SLC30A2: variants seen among roughly 807,000 people sequenced by gnomAD.
The protein encoded by SLC30A2 is proton-coupled zinc antiporter SLC30A2.
Under a neutral mutation model 39.6 loss-of-function variants are expected in SLC30A2, and 19 were observed. The observed-to-expected ratio is 0.48, with a 90% CI of 0.34 to 0.70. The LOEUF is 0.70. Ranked by LOEUF, SLC30A2 falls within the 30% of genes least tolerant of loss-of-function variation. The pLI is 0.01. For synonymous variants in SLC30A2, 195 were observed against 194.8 expected (o/e 1.00, Z -0.01); for missense variants, 387 against 479.4 (o/e 0.81, Z 1.80).
Position 26,045,842 on chromosome 1 carries a change from C to A in SLC30A2, c.50+5G>T. The A allele has an allele frequency of 6.2e-7, 1 of 1,613,626 alleles. No individual in the cohort carries two copies. The highest frequency in any genetic ancestry group is 1.1e-5 in the South Asian group (1 of 91,090). ...TTCCCGCCCGTCCCCAGGCTCTCGC[C>A]TTACCGGATTGCCGGCCTGGCGTCC... On this transcript the variant is annotated splice_donor_5th_base_variant and intron_variant, in intron 1 of 7. Transcript: ENST00000374276.
chr1:26,042,481 G>A (rs555742223), intron 5 of SLC30A2, 68 bp downstream of exon 5: 79 of 1,411,208 alleles, frequency 5.6e-5, no homozygotes, highest in African/African-American at 9.9e-5. Flanking sequence ...AAGAAACCCC[G>A]GTAGAGAGTA....
At chr1:26,041,315 A>G (rs977619552) in intron 6 of SLC30A2, among the ~76,000 whole-genome samples, 1 of 152,130 alleles carries the variant, frequency 6.6e-6, no homozygotes, top group Admixed American at 6.6e-5. Context: ...CCTCTGTGCA[A>G]TGAGAAGCAT....
Position 26,039,675 on chromosome 1 carries a change from A to C in SLC30A2, c.973+102T>G. ...CTCAGCATGAGGCTGGGCTTGATGC[A>C]TGGGCACTGTGAGCATCTGGGGTCA... On this transcript the variant is annotated intron_variant, in intron 7 of 7. Transcript: ENST00000374276. The surrounding 1 kb of genome is among the most constrained non-coding windows in gnomAD (Gnocchi z 4.3). 1 of 1,197,278 alleles carries C rather than the reference A, an allele frequency of 8.4e-7. No individual in the cohort carries two copies. 74.2% of individuals were successfully genotyped at this position (1,197,278 alleles called of 1,614,324 possible). A position where few individuals can be genotyped will look rare whatever the true frequency, so the allele number is the denominator to read the frequency against.
At position 26,039,711 on chromosome 1, in the gene SLC30A2, T is replaced by A; in HGVS notation, c.973+66A>T. ...GAGCATCTGGGGTCACCTGGACCCG[T>A]TGGGGATGGCACTAGGCCTTTGGCT... On this transcript the variant is annotated intron_variant, in intron 7 of 7. Transcript: ENST00000374276. This position sits in a 1 kb window ranked among gnomAD's most constrained non-coding sequence, Gnocchi z 4.3. 1.9e-6 allele frequency: 3 copies of A among 1,552,224 alleles called. No individual in the cohort carries two copies. The East Asian group carries it at 7.0e-5, about 36-fold the overall frequency.
Position 26,042,554 on chromosome 1 carries a change from A to G in SLC30A2, c.727T>C (p.Phe243Leu). Residue 243 changes from phenylalanine (F) to leucine (L), a missense_variant, in exon 5 of 8, where the codon TTC becomes CTC. Phe to Leu is a conservative substitution (Grantham distance 22). Transcript: ENST00000374276. ...CCCTGTGTCCCAGCTCTGACCTTGA[A>G]GTATAAAATATAGGCTGCCACTAGG... is the stretch of plus-strand genomic sequence containing the variant. ...GVLVAAYILY[F>L]KPEYKYVDPI... 4 of 1,613,310 alleles carry G rather than the reference A, an allele frequency of 2.5e-6. No individual in the cohort carries two copies. Among genetic ancestry groups the G allele is most frequent in the East Asian group, 2.2e-5 (1 of 44,856 alleles).
Position 26,038,112 on chromosome 1 carries a change from C to T in SLC30A2, c.*1048G>A, listed in dbSNP as rs955372844. On this transcript the variant is annotated 3_prime_UTR_variant, in exon 8 of 8. Coordinates refer to ENST00000374276, the MANE Select transcript of SLC30A2 (RefSeq NM_001004434.3). The stretch of plus-strand genomic sequence containing the variant: ...TGAGACTGTGGGGCAGAGGCCAGCT[C>T]GCCCAAGGCACTTGCTTACAATGGC... 12 of 152,256 alleles carry T rather than the reference C, an allele frequency of 7.9e-5. No homozygotes were observed. The highest frequency in any genetic ancestry group is 7.8e-4 in the Admixed American group (12 of 15,288). 9.4% of individuals were successfully genotyped at this position (152,256 alleles called of 1,614,324 possible). A position where few individuals can be genotyped will look rare whatever the true frequency, so the allele number is the denominator to read the frequency against.
At chr1:26,044,788 A>T (rs546660499) in intron 2 of SLC30A2, among the ~76,000 whole-genome samples, 3 of 152,336 alleles carry the variant, frequency 2.0e-5, no homozygotes, top group African/African-American at 7.2e-5. Flanking sequence ...CTTCACCTGA[A>T]CATGCCTCAG....
At chr1:26,041,503 A>G (rs1304584512) in intron 6 of SLC30A2, among the ~76,000 whole-genome samples, 197 bp downstream of exon 6, 2 of 152,130 alleles carry the variant, frequency 1.3e-5, no homozygotes, top group Non-Finnish European at 1.5e-5. Flanking sequence ...CGGTTCCAGG[A>G]ACTGCCACAC....
At chr1:26,044,160 C>T in intron 3 of SLC30A2, 138 bp downstream of exon 3, 2 of 895,640 alleles carry the variant, frequency 2.2e-6, no homozygotes, top group South Asian at 3.2e-5. Flanking sequence ...GGTTGACATC[C>T]TCTTCCCCCA....
In SLC30A2 at chr1:26,045,772, A is replaced by G. The variant is rs1014562679; in HGVS notation, c.50+75T>C. 204 of 1,610,896 alleles carry G rather than the reference A, an allele frequency of 1.3e-4. 1 individual carries two copies. In the African/African-American group the frequency reaches 2.5e-3, roughly 20 times the overall value. ...GCTCAAGCCGCAGCCAAAACCAACC[A>G]CTGCTAGGATGGCAAATGCGGAGGT... On this transcript the variant is annotated intron_variant, in intron 1 of 7. Coordinates refer to ENST00000374276, the MANE Select transcript of SLC30A2 (RefSeq NM_001004434.3).
chr1:26,042,423 C>T lies in SLC30A2; in HGVS notation c.732+126G>A, dbSNP rs1373015186. On this transcript the variant is annotated intron_variant, in intron 5 of 7. Transcript: ENST00000374276. ...GTAGGTATTGGATAAATGTTCCTTT[C>T]CTCTCCCCACCCTTTTCCCTAGAAC... The T allele has an allele frequency of 2.7e-5, 23 of 847,446 alleles. No homozygotes were observed. The East Asian group carries it at 5.4e-4, about 20-fold the overall frequency. 52.5% of individuals were successfully genotyped at this position (847,446 alleles called of 1,614,324 possible).
chr1:26,039,135 C>T lies in SLC30A2; in HGVS notation c.*25G>A, dbSNP rs771266465. On this transcript the variant is annotated 3_prime_UTR_variant, in exon 8 of 8. Transcript: ENST00000374276. The surrounding 1 kb of genome is among the most constrained non-coding windows in gnomAD (Gnocchi z 4.3). ...CAGCCACCTGCAGGTCCTGTTCATGCCCCAGTTGGTGCCTGGCTGAGCAGT... is the reference window on the plus strand; with the variant it reads ...CAGCCACCTGCAGGTCCTGTTCATGTCCCAGTTGGTGCCTGGCTGAGCAGT... 1.2e-6 allele frequency: 2 copies of T among 1,609,410 alleles called. No individual in the cohort carries two copies.
intron 2 of SLC30A2, 98 bp downstream of exon 2, chr1:26,044,899 G>T: frequency 1.1e-6 from 1 of 937,698 alleles, no homozygotes; most frequent in Non-Finnish European, 1.7e-6. Flanking sequence ...GCTTACTGTA[G>T]TGTGTGTTCA....
chr1:26,043,847 A>G (rs2050428140), intron 3 of SLC30A2, among the ~76,000 whole-genome samples: 1 of 152,206 alleles, frequency 6.6e-6, no homozygotes, highest in African/African-American at 2.4e-5. Flanking sequence ...TAGTAAACTG[A>G]GGCTTCTGGG....
chr1:26,041,848 C>T (rs1332951047), intron 5 of SLC30A2, 43 bp from the exon 6 acceptor site: 2 of 1,186,558 alleles, frequency 1.7e-6, no homozygotes, highest in African/African-American at 1.5e-5. Flanking sequence ...CACCATCTAA[C>T]ACCTCAGCTT....
chr1:26,039,690 A>T lies in SLC30A2; in HGVS notation c.973+87T>A, dbSNP rs1173240933. The T allele has an allele frequency of 7.1e-7, 1 of 1,411,106 alleles. No homozygotes were observed. The highest frequency in any genetic ancestry group is 2.4e-5 in the East Asian group (1 of 41,214). 87.4% of individuals were successfully genotyped at this position (1,411,106 alleles called of 1,614,324 possible). A position where few individuals can be genotyped will look rare whatever the true frequency, so the allele number is the denominator to read the frequency against. ...GGCTTGATGCATGGGCACTGTGAGCATCTGGGGTCACCTGGACCCGTTGGG... is the reference window on the plus strand; with the variant it reads ...GGCTTGATGCATGGGCACTGTGAGCTTCTGGGGTCACCTGGACCCGTTGGG... On this transcript the variant is annotated intron_variant, in intron 7 of 7. Transcript: ENST00000374276. The surrounding 1 kb of genome is among the most constrained non-coding windows in gnomAD (Gnocchi z 4.3).
At chr1:26,041,412 C>T (rs897968885) in intron 6 of SLC30A2, among the ~76,000 whole-genome samples, 1 of 152,180 alleles carries the variant, frequency 6.6e-6, no homozygotes, top group African/African-American at 2.4e-5. Context: ...CCAGATGCTA[C>T]AGATGTCCCC....
Position 26,038,636 on chromosome 1 carries a change from G to C in SLC30A2, c.*524C>G, listed in dbSNP as rs2050364781. Reference sequence around the variant, plus strand: ...AGGGAACATTTGGCTCATAGCTGAAGTGACTAAGGCACAGATAGGCCTCAG... The same window carrying C: ...AGGGAACATTTGGCTCATAGCTGAACTGACTAAGGCACAGATAGGCCTCAG... On this transcript the variant is annotated 3_prime_UTR_variant, in exon 8 of 8. Coordinates refer to ENST00000374276, the MANE Select transcript of SLC30A2 (RefSeq NM_001004434.3). 1 of 152,408 alleles carries C rather than the reference G, an allele frequency of 6.6e-6. No homozygotes were observed. Among genetic ancestry groups the C allele is most frequent in the South Asian group, 2.1e-4 (1 of 4,838 alleles). The allele number at this position is 152,408 out of a possible 1,614,324, so 9.4% of individuals were successfully genotyped here. A position where few individuals can be genotyped will look rare whatever the true frequency, so the allele number is the denominator to read the frequency against.
rs1569712689 is a variant in SLC30A2 at position 26,046,115 on chromosome 1, G to A, written c.-219C>T. Reference sequence around the variant, plus strand: ...GCGTGCCAAGCGCTCCCGTGTCTCGGGTCAGCCGCTGCGCCCCGCGGCCGC... The same window carrying A: ...GCGTGCCAAGCGCTCCCGTGTCTCGAGTCAGCCGCTGCGCCCCGCGGCCGC... On this transcript the variant is annotated 5_prime_UTR_variant, in exon 1 of 8. Coordinates refer to ENST00000374276, the MANE Select transcript of SLC30A2 (RefSeq NM_001004434.3). This position sits in a 1 kb window ranked among gnomAD's most constrained non-coding sequence, Gnocchi z 4.4. The A allele has an allele frequency of 3.1e-6, 4 of 1,285,082 alleles. No homozygotes were observed. Among genetic ancestry groups the A allele is most frequent in the Non-Finnish European group, 3.9e-6 (4 of 1,021,172 alleles). The allele number at this position is 1,285,082 out of a possible 1,614,324, so 79.6% of individuals were successfully genotyped here. A position where few individuals can be genotyped will look rare whatever the true frequency, so the allele number is the denominator to read the frequency against.
Sources: allele counts gnomAD v4.1 joint callset (sites outside exome capture counted in the v4.1 genomes callset), GRCh38; gene constraint gnomAD v4.1.1; non-coding constraint Gnocchi (gnomAD v3.1); transcripts MANE v1.5; gene names NCBI Gene and HGNC (gene_info 2026-07-23, HGNC 2026-07-21).